The following DNAH9 variants were observed in gnomAD, a reference collection of about 807,000 sequenced individuals.
The protein encoded by DNAH9 is DNAH9 variant protein.
Under a neutral mutation model 471.6 loss-of-function variants are expected in DNAH9, and 345 were observed. The observed-to-expected ratio is 0.73, with a 90% CI of 0.67 to 0.80. The LOEUF (loss-of-function observed/expected upper bound fraction) is 0.80. Among genes scored for constraint, DNAH9 ranks in the 30% least tolerant of loss-of-function variants. The pLI, the probability that DNAH9 is intolerant of heterozygous loss-of-function variation, is 0.00. For synonymous variants in DNAH9, 2,093 were observed against 2,123.6 expected, an observed-to-expected ratio of 0.99 and a Z score of 0.40; for missense variants, 5,407 against 5,609.2, an observed-to-expected ratio of 0.96 and a Z score of 1.15.
chr17:11,739,393 G>C (rs186328914), intron 29 of DNAH9, among the ~76,000 whole-genome samples: 2 of 151,920 alleles, frequency 1.3e-5, no homozygotes, highest in Admixed American at 1.3e-4. Context: ...TCAAGTGCAT[G>C]GTTTACAATG....
intron 27 of DNAH9, among the ~76,000 whole-genome samples, chr17:11,719,925 G>A (rs1262518443): frequency 1.3e-5 from 2 of 152,130 alleles, no homozygotes; most frequent in Non-Finnish European, 2.9e-5. Context: ...GTGCTCTTCT[G>A]TAGAAGTGGA....
chr17:11,640,807 G>A (rs2073257290), intron 10 of DNAH9, among the ~76,000 whole-genome samples: 1 of 152,142 alleles, frequency 6.6e-6, no homozygotes. Context: ...ACCTGTTAAA[G>A]ATGCACATTC....
In DNAH9 at chr17:11,730,575, C is replaced by A. The variant is rs141698294; in HGVS notation, c.5814+2653C>A. Among the ~76,000 whole-genome samples, 297 of 152,286 alleles carry A rather than the reference C, an allele frequency of 2.0e-3. No individual in the cohort carries two copies. The highest frequency in any genetic ancestry group is 3.2e-3 in the Admixed American group (49 of 15,306). ...TCTCAGCCACTTACTAGCTGTGTGA[C>A]CTTGAGCATATCCATGTCTCAAGGT... On this transcript the variant is annotated intron_variant, in intron 28 of 68. Transcript: ENST00000262442.
At chr17:11,790,654 A>G (rs1260252371) in intron 41 of DNAH9, among the ~76,000 whole-genome samples, 1 of 151,846 alleles carries the variant, frequency 6.6e-6, no homozygotes, top group Non-Finnish European at 1.5e-5. Context: ...TAGCTCATCT[A>G]TGTTATTTTA....
At chr17:11,612,770 G>A (rs768097056) in intron 4 of DNAH9, 1 of 152,158 alleles carries the variant, frequency 6.6e-6, no homozygotes, top group Non-Finnish European at 1.5e-5. Context: ...AGGTCAAAAT[G>A]TGCTTTTAAA....
Position 11,892,605 on chromosome 17 carries a change from C to T in DNAH9, c.11283+658C>T, listed in dbSNP as rs1009463570. 1.3e-5 allele frequency among the ~76,000 whole-genome samples: 2 copies of T among 152,112 alleles called. No homozygotes were observed. Among genetic ancestry groups the T allele is most frequent in the Non-Finnish European group, 2.9e-5 (2 of 68,022 alleles). Reference sequence around the variant, plus strand: ...TCACTCTGTTGTCCAGGCTGGAATGCAGTGGTGTGATCCTGGCTCACTGCA... The same window carrying T: ...TCACTCTGTTGTCCAGGCTGGAATGTAGTGGTGTGATCCTGGCTCACTGCA... On this transcript the variant is annotated intron_variant, in intron 58 of 68. Coordinates refer to ENST00000262442, the MANE Select transcript of DNAH9 (RefSeq NM_001372.4). This position sits in a 1 kb window ranked among gnomAD's most constrained non-coding sequence, Gnocchi z 4.3.
chr17:11,605,230 G>T (rs2072475002), intron 1 of DNAH9, among the ~76,000 whole-genome samples: 1 of 152,008 alleles, frequency 6.6e-6, no homozygotes, highest in South Asian at 2.1e-4. Flanking sequence ...TCTCAGTCAG[G>T]CCAACCTCAA....
intron 49 of DNAH9, among the ~76,000 whole-genome samples, chr17:11,842,806 A>C (rs1251387906): frequency 6.6e-6 from 1 of 152,116 alleles, no homozygotes; most frequent in Non-Finnish European, 1.5e-5. Context: ...CCAAACTGAG[A>C]GTGGGTCTGC....
At chr17:11,928,241 G>A (rs1027600120) in intron 62 of DNAH9, among the ~76,000 whole-genome samples, 1 of 151,968 alleles carries the variant, frequency 6.6e-6, no homozygotes, top group Non-Finnish European at 1.5e-5. Context: ...AAAGTGCTGG[G>A]ATTACATATG....
chr17:11,669,660 C>T lies in DNAH9; in HGVS notation c.3219C>T (p.Cys1073=), dbSNP rs2073943387. The T allele has an allele frequency of 1.2e-6, 2 of 1,614,040 alleles. No homozygotes were observed. Among genetic ancestry groups the T allele is most frequent in the Admixed American group, 1.7e-5 (1 of 60,000 alleles). The change falls in exon 17 of 69, where the codon TGC becomes TGT. Residue 1073 remains cysteine (C), a synonymous_variant. Transcript: ENST00000262442. The part of the protein sequence containing the change: ...DSYETLYEEV[C]RLEPIKVFDG... ...ATGAAACGCTCTATGAAGAGGTGTG[C>T]AGGCTGGAACCCATCAAGGTGTTTG...
intron 43 of DNAH9, 67 bp downstream of exon 43, chr17:11,797,860 G>A (rs1223902320): frequency 2.0e-6 from 3 of 1,498,410 alleles, no homozygotes; most frequent in Non-Finnish European, 2.7e-6. Flanking sequence ...GGTCTCATTC[G>A]GCTATTTGAG....
At position 11,942,430 on chromosome 17, in the gene DNAH9, A is replaced by C; in HGVS notation, c.12788A>C (p.Asn4263Thr). The change falls in exon 67 of 69, where the codon AAT becomes ACT. Residue 4263 changes from asparagine (N) to threonine (T), a missense_variant. Coordinates refer to ENST00000262442, the MANE Select transcript of DNAH9 (RefSeq NM_001372.4). ...GCCTTCCAGGAGTGTGGCCGGATGAATATCCTCACCAGAGAGATTCAGCGC... is the reference window on the plus strand; with the variant it reads ...GCCTTCCAGGAGTGTGGCCGGATGACTATCCTCACCAGAGAGATTCAGCGC... ...VVAFQECGRM[N>T]ILTREIQRSL... The C allele has an allele frequency of 6.2e-7, 1 of 1,614,178 alleles. No individual in the cohort carries two copies. Among genetic ancestry groups the C allele is most frequent in the African/African-American group, 1.3e-5 (1 of 75,048 alleles).
chr17:11,739,797 G>A (rs978738326), intron 29 of DNAH9, among the ~76,000 whole-genome samples: 1 of 152,090 alleles, frequency 6.6e-6, no homozygotes, highest in African/African-American at 2.4e-5. Context: ...AGAAAAGTTG[G>A]CCCAACAAAG....
At chr17:11,941,271 G>A (rs1407968800) in intron 66 of DNAH9, among the ~76,000 whole-genome samples, 1 of 152,110 alleles carries the variant, frequency 6.6e-6, no homozygotes, top group Non-Finnish European at 1.5e-5. Context: ...TCCACCACAG[G>A]CACCTAGAGC....
At chr17:11,889,735 G>A (rs1164423945) in intron 57 of DNAH9, among the ~76,000 whole-genome samples, 1 of 152,206 alleles carries the variant, frequency 6.6e-6, no homozygotes. Context: ...AGTAAGGCCT[G>A]GGCCCCACTA....
rs2073839193 is a variant in DNAH9, at chr17:11,664,902, A to G, written c.2665A>G (p.Asn889Asp). 1.2e-6 allele frequency: 2 copies of G among 1,612,814 alleles called. No homozygotes were observed. The highest frequency in any genetic ancestry group is 1.7e-6 in the Non-Finnish European group (2 of 1,179,002). ...GAAGACTTATGTTAACTCTATTGAC[A>G]ATTTGTTGCTGAATGGATTCTTTCT... is the stretch of plus-strand genomic sequence containing the variant. The part of the protein sequence containing the change: ...IWKTYVNSID[N>D]LLLNGFFLAI... Residue 889 changes from asparagine to aspartate, a missense_variant, in exon 15 of 69, where the codon AAT (asparagine) becomes GAT (aspartate). By Grantham distance (23) the Asn-to-Asp change is conservative (BLOSUM62 1). Coordinates refer to ENST00000262442, the MANE Select transcript of DNAH9 (RefSeq NM_001372.4).
At position 11,669,502 on chromosome 17, in the gene DNAH9, C is replaced by A. The variant is rs751958230; in HGVS notation, c.3061C>A (p.Arg1021=). ...GTATTCGTACCTCTATGTGGAGGAC[C>A]GGAAGGAGGTTCTGGGTCAGTTTCT... ...SQYSYLYVED[R]KEVLGQFLLY... is the part of the protein sequence containing the mutation. Residue 1021 remains arginine (R), a synonymous_variant, in exon 17 of 69, where the codon CGG becomes AGG. Transcript: ENST00000262442. The A allele has an allele frequency of 1.9e-6, 3 of 1,613,894 alleles. No homozygotes were observed. Among genetic ancestry groups the A allele is most frequent in the Non-Finnish European group, 2.5e-6 (3 of 1,180,020 alleles).
At chr17:11,783,213 G>T (rs1395320398) in intron 39 of DNAH9, among the ~76,000 whole-genome samples, 1 of 152,158 alleles carries the variant, frequency 6.6e-6, no homozygotes, top group Non-Finnish European at 1.5e-5. Flanking sequence ...GTGGAAAAGA[G>T]GGATGAGGAA....
At chr17:11,744,264 C>A (rs2075480311) in intron 30 of DNAH9, among the ~76,000 whole-genome samples, 1 of 152,206 alleles carries the variant, frequency 6.6e-6, no homozygotes, top group Non-Finnish European at 1.5e-5. Flanking sequence ...CCTTCCCACA[C>A]CATGCTGCCA....
Sources: allele counts gnomAD v4.1 joint callset (sites outside exome capture counted in the v4.1 genomes callset), GRCh38; gene constraint gnomAD v4.1.1; non-coding constraint Gnocchi (gnomAD v3.1); transcripts MANE v1.5; gene names NCBI Gene and HGNC (gene_info 2026-07-23, HGNC 2026-07-21).